RNF19A: variants seen among roughly 807,000 people sequenced by gnomAD.
RNF19A encodes E3 ubiquitin-protein ligase RNF19A.
Under a neutral mutation model 75.7 loss-of-function variants are expected in RNF19A, and 32 were observed. The ratio of observed to expected loss-of-function variants is 0.42; its 90% CI spans 0.32 to 0.57. The LOEUF (loss-of-function observed/expected upper bound fraction) is 0.57, where lower values mean the gene tolerates loss of function less well. Ranked by LOEUF, RNF19A falls within the 20% of genes least tolerant of loss-of-function variation. The pLI is 0.10. For synonymous variants in RNF19A, 335 were observed against 345.2 expected (o/e 0.97, Z 0.33); for missense variants, 782 against 1,036.3 (o/e 0.75, Z 3.37).
chr8:100,273,906 C>T (rs959984813), intron 3 of RNF19A, among the ~76,000 whole-genome samples: 32 of 152,144 alleles, frequency 2.1e-4, no homozygotes, highest in Non-Finnish European at 3.7e-4. Flanking sequence ...CCTCACCTCC[C>T]GAGTAGCTGG....
Position 100,259,070 on chromosome 8 carries a change from GT to G in RNF19A, c.2002del (p.Thr668GlnfsTer11). On this transcript the variant is annotated frameshift_variant, in exon 10 of 10. Transcript: ENST00000341084. LOFTEE classifies it high-confidence loss of function. The surrounding 1 kb of genome is among the most constrained non-coding windows in gnomAD (Gnocchi z 4.5). The part of the protein sequence containing the change: ...SSATKWSKEA[T>X]AGKKSKSGKL... ...ACCACTTTTTGATTTTTTCCCTGCT[GT>G]TGCTTCTTTGGACCACTTGGTGGCA... is the stretch of plus-strand genomic sequence containing the variant. 6.2e-7 allele frequency: 1 copy of G among 1,613,988 alleles called. No homozygotes were observed. The highest frequency in any genetic ancestry group is 8.5e-7 in the Non-Finnish European group (1 of 1,179,994).
intron 2 of RNF19A, among the ~76,000 whole-genome samples, chr8:100,279,549 C>T (rs890102972): frequency 2.6e-5 from 4 of 151,678 alleles, no homozygotes; most frequent in African/African-American, 7.3e-5. Flanking sequence ...AATTTTTGTA[C>T]TTTTATTTTT....
intron 1 of RNF19A, among the ~76,000 whole-genome samples, chr8:100,305,937 C>T (rs996543083): frequency 2.0e-5 from 3 of 152,162 alleles, no homozygotes; most frequent in Non-Finnish European, 4.4e-5. Context: ...TTTTGTGATA[C>T]AATATTTATA....
chr8:100,308,460 T>C (rs545295479), intron 1 of RNF19A, among the ~76,000 whole-genome samples: 4 of 152,340 alleles, frequency 2.6e-5, no homozygotes, highest in African/African-American at 9.6e-5. Flanking sequence ...AGTATTTACA[T>C]TTTAACTCAA....
chr8:100,297,521 T>A (rs1397183491), intron 1 of RNF19A, among the ~76,000 whole-genome samples: 1 of 152,210 alleles, frequency 6.6e-6, no homozygotes, highest in South Asian at 2.1e-4. Flanking sequence ...TCCTGGCCAA[T>A]GCAATCTGAC....
chr8:100,283,277 T>C (rs1820868349), intron 2 of RNF19A, among the ~76,000 whole-genome samples: 1 of 144,560 alleles, frequency 6.9e-6, no homozygotes, highest in Non-Finnish European at 1.5e-5. Context: ...CTCATCTGCC[T>C]AGACAATGTA....
rs2130373037 is a variant in RNF19A at position 100,325,052 on chromosome 8, GCC to G, written c.-243+11054_-243+11055del. On this transcript the variant is annotated intron_variant, in intron 1 of 3. Coordinates refer to the RNF19A transcript ENST00000519527. This position sits in a 1 kb window ranked among gnomAD's most constrained non-coding sequence, Gnocchi z 4.3. ...CTCTCGAGTAGCTGGAATTACAGGT[GCC>G]TACCACCACAACCGGCTAATTTTTT... 6.6e-6 allele frequency among the ~76,000 whole-genome samples: 1 copy of G among 152,034 alleles called. No homozygotes were observed. The highest frequency in any genetic ancestry group is 1.5e-5 in the Non-Finnish European group (1 of 67,968).
chr8:100,305,939 A>G (rs1249458540), intron 1 of RNF19A, among the ~76,000 whole-genome samples: 1 of 152,240 alleles, frequency 6.6e-6, no homozygotes, highest in Non-Finnish European at 1.5e-5. Flanking sequence ...TTGTGATACA[A>G]TATTTATATT....
At chr8:100,290,916 G>A (rs750454731) in intron 1 of RNF19A, among the ~76,000 whole-genome samples, 3 of 152,104 alleles carry the variant, frequency 2.0e-5, no homozygotes, top group Non-Finnish European at 4.4e-5. Context: ...TTGGCTCTCC[G>A]ATATCCTGCC....
chr8:100,334,299 G>T (rs7818506), intron 1 of RNF19A, among the ~76,000 whole-genome samples: 2 of 152,094 alleles, frequency 1.3e-5, no homozygotes, highest in African/African-American at 2.4e-5. Flanking sequence ...AAGGCAGGCA[G>T]TATTAATCAT....
chr8:100,311,609 TCGGG>T (rs1227055035), upstream of RNF19A, among the ~76,000 whole-genome samples: 4 of 150,274 alleles, frequency 2.7e-5, no homozygotes, highest in African/African-American at 9.8e-5. Flanking sequence ...TCCCAGCTAC[TCGGG>T]AGGCTGAGGC....
In RNF19A at chr8:100,284,572, T is replaced by C. The variant is rs556273030; in HGVS notation, c.674+2929A>G. ...ATTTATATAATAATCACGTGGTTGTTTTCATAGTAACAGAGTCTAGTAAAG... is the reference window on the plus strand; with the variant it reads ...ATTTATATAATAATCACGTGGTTGTCTTCATAGTAACAGAGTCTAGTAAAG... On this transcript the variant is annotated intron_variant, in intron 2 of 9. Transcript: ENST00000341084. The surrounding 1 kb of genome is among the most constrained non-coding windows in gnomAD (Gnocchi z 4.3). Among the ~76,000 whole-genome samples the C allele has an allele frequency of 6.6e-6, 1 of 152,250 alleles. No individual in the cohort carries two copies. Among genetic ancestry groups the C allele is most frequent in the Non-Finnish European group, 1.5e-5 (1 of 67,958 alleles).
rs1396800300 is a variant in RNF19A, at chr8:100,258,293, T to A, written c.*263A>T. The A allele has an allele frequency of 2.3e-6, 1 of 439,870 alleles. No individual in the cohort carries two copies. The highest frequency in any genetic ancestry group is 4.0e-6 in the Non-Finnish European group (1 of 250,994). 27.2% of individuals were successfully genotyped at this position (439,870 alleles called of 1,614,324 possible). A position where few individuals can be genotyped will look rare whatever the true frequency, so the allele number is the denominator to read the frequency against. On this transcript the variant is annotated 3_prime_UTR_variant, in exon 10 of 10. Transcript: ENST00000341084. This position sits in a 1 kb window ranked among gnomAD's most constrained non-coding sequence, Gnocchi z 4.3. ...CTATCTAAGTATGTGCTTCAAGCAA[T>A]GTTTTGTGGCAAACACACAAAACAT...
chr8:100,261,382 G>A lies in RNF19A; in HGVS notation c.1682+160C>T, dbSNP rs775431922. Among the ~76,000 whole-genome samples, 1 of 152,164 alleles carries A rather than the reference G, an allele frequency of 6.6e-6. No individual in the cohort carries two copies. The highest frequency in any genetic ancestry group is 1.5e-5 in the Non-Finnish European group (1 of 68,030). ...CAACATGCTGGGATTACAGGCGTGA[G>A]CCACTGCACCTGGCCCCAAATTTCA... On this transcript the variant is annotated intron_variant, in intron 8 of 9. Transcript: ENST00000341084. The surrounding 1 kb of genome is among the most constrained non-coding windows in gnomAD (Gnocchi z 4.4).
chr8:100,269,080 G>T lies in RNF19A; in HGVS notation c.1029-133C>A. 1.9e-6 allele frequency: 1 copy of T among 516,564 alleles called. No homozygotes were observed. Among genetic ancestry groups the T allele is most frequent in the Non-Finnish European group, 3.2e-6 (1 of 316,308 alleles). The allele number at this position is 516,564 out of a possible 1,614,324, so 32.0% of individuals were successfully genotyped here. A position where few individuals can be genotyped will look rare whatever the true frequency, so the allele number is the denominator to read the frequency against. On this transcript the variant is annotated intron_variant, in intron 4 of 9. Transcript: ENST00000341084. The surrounding 1 kb of genome is among the most constrained non-coding windows in gnomAD (Gnocchi z 5.7). ...AGCTTTTTTCCCCTTTAAATTCTGAGTTCATTAAACTAAGGTAAGAACCAC... is the reference window on the plus strand; with the variant it reads ...AGCTTTTTTCCCCTTTAAATTCTGATTTCATTAAACTAAGGTAAGAACCAC...
rs117541003 is a variant in RNF19A, at chr8:100,281,175, A to G, written c.675-6014T>C. ...GTACTGTACTTGAAATGCTTAACCT[A>G]GGAGTGGATGGACAGCAAGAAAGTG... On this transcript the variant is annotated intron_variant, in intron 2 of 9. Coordinates refer to ENST00000341084, the MANE Select transcript of RNF19A (RefSeq NM_183419.4). Among the ~76,000 whole-genome samples, 679 of 152,286 alleles carry G rather than the reference A, an allele frequency of 4.5e-3. 4 individuals carry two copies. Among genetic ancestry groups the G allele is most frequent in the Non-Finnish European group, 7.0e-3 (477 of 68,018 alleles).
intron 5 of RNF19A, among the ~76,000 whole-genome samples, chr8:100,265,560 A>AT (rs1401234641): frequency 6.6e-6 from 1 of 152,150 alleles, no homozygotes; most frequent in Non-Finnish European, 1.5e-5. Flanking sequence ...AATATGGCAC[A>AT]TTTTCCCCCT....
At chr8:100,318,160 T>A (rs1209462773) in intron 1 of RNF19A, among the ~76,000 whole-genome samples, 1 of 152,234 alleles carries the variant, frequency 6.6e-6, no homozygotes, top group Non-Finnish European at 1.5e-5. Flanking sequence ...AATATTTTTC[T>A]TTGGTTTTAG....
At chr8:100,274,404 G>A (rs1820404093) in intron 3 of RNF19A, among the ~76,000 whole-genome samples, 1 of 152,176 alleles carries the variant, frequency 6.6e-6, no homozygotes, top group Admixed American at 6.5e-5. Context: ...CTTTAGGAAA[G>A]AGAAGCAAAT....
Sources: allele counts gnomAD v4.1 joint callset (sites outside exome capture counted in the v4.1 genomes callset), GRCh38; gene constraint gnomAD v4.1.1; non-coding constraint Gnocchi (gnomAD v3.1); transcripts MANE v1.5; gene names NCBI Gene and HGNC (gene_info 2026-07-23, HGNC 2026-07-21).